Variants in NTM observed in about 807,000 individuals in gnomAD.
The protein encoded by NTM is IgLON family member 2.
A neutral mutation model predicts 42.1 loss-of-function variants in NTM; 13 were observed. The observed-to-expected ratio is 0.31, with a 90% CI of 0.20 to 0.49. The LOEUF is 0.49. Ranked by LOEUF, NTM falls within the 20% of genes least tolerant of loss-of-function variation. NTM has a pLI of 0.99. For synonymous variants in NTM, 187 were observed against 179.2 expected, an observed-to-expected ratio of 1.04 and a Z score of -0.35; for missense variants, 373 against 452.8, an observed-to-expected ratio of 0.82 and a Z score of 1.60.
intron 7 of NTM, among the ~76,000 whole-genome samples, chr11:132,318,143 GATAGGCATGGCACTGC>G (rs2095478063): frequency 6.6e-6 from 1 of 152,180 alleles, no homozygotes; most frequent in Non-Finnish European, 1.5e-5. Flanking sequence ...AAAGGAGGAG[GATAGGCATGGCACTGC>G]ATGAGTGGTT....
chr11:131,484,853 A>G (rs1953987525), intron 1 of NTM, among the ~76,000 whole-genome samples: 1 of 152,152 alleles, frequency 6.6e-6, no homozygotes, highest in African/African-American at 2.4e-5. Flanking sequence ...TAATTATAAG[A>G]AGGAAGTGGA....
intron 2 of NTM, among the ~76,000 whole-genome samples, chr11:131,976,705 A>T (rs149758720): frequency 6.6e-6 from 1 of 152,328 alleles, no homozygotes; most frequent in East Asian, 1.9e-4. Flanking sequence ...TCCATAGGTC[A>T]CGGACAGACT....
chr11:131,633,570 TAC>T (rs1340580561), intron 1 of NTM, among the ~76,000 whole-genome samples: 11 of 147,326 alleles, frequency 7.5e-5, no homozygotes, highest in Admixed American at 2.0e-4. Context: ...TCTCTCTCTC[TAC>T]CTCTCCATCT....
chr11:131,635,946 G>C (rs550300220), intron 1 of NTM, among the ~76,000 whole-genome samples: 1 of 152,240 alleles, frequency 6.6e-6, no homozygotes, highest in Non-Finnish European at 1.5e-5. Context: ...GTAGTATTTA[G>C]TACCGTCACA....
At chr11:131,806,660 G>T (rs1251615163) in intron 1 of NTM, among the ~76,000 whole-genome samples, 1 of 152,126 alleles carries the variant, frequency 6.6e-6, no homozygotes, top group Non-Finnish European at 1.5e-5. Context: ...GTGGCAGAGC[G>T]AGGAGTGGTT....
At chr11:131,911,369 G>A (rs578037710) in intron 1 of NTM, 195 bp from the exon 2 acceptor site, 315 of 1,547,244 alleles carry the variant, frequency 2.0e-4, no homozygotes, top group Non-Finnish European at 2.5e-4. Flanking sequence ...CGGTCGCCGC[G>A]GGTTCACCGC....
At chr11:132,070,546 G>A (rs1231296282) in intron 2 of NTM, among the ~76,000 whole-genome samples, 19 of 99,530 alleles carry the variant, frequency 1.9e-4, no homozygotes, top group South Asian at 1.2e-3. Flanking sequence ...CAAACTGACC[G>A]TCACAGTTTA....
chr11:131,999,788 T>C (rs1406753001), intron 2 of NTM, among the ~76,000 whole-genome samples: 1 of 152,234 alleles, frequency 6.6e-6, no homozygotes, highest in East Asian at 1.9e-4. Context: ...AATTATTATA[T>C]CAACTGTGGC....
In NTM at chr11:131,719,806, G is replaced by A. The variant is rs568322576; in HGVS notation, c.83-191758G>A. 1.7e-3 allele frequency among the ~76,000 whole-genome samples: 261 copies of A among 152,268 alleles called. 1 individual carries two copies. Among genetic ancestry groups the A allele is most frequent in the African/African-American group, 5.9e-3 (245 of 41,562 alleles). ...CTCCGCTGGGAAATTCACTCTCCAG[G>A]ATCTAAGTGGAAAAGTAACAACAGT... On this transcript the variant is annotated intron_variant, in intron 1 of 8. Transcript: ENST00000683400.
chr11:131,565,851 G>A (rs139157278), intron 1 of NTM, among the ~76,000 whole-genome samples: 13 of 152,254 alleles, frequency 8.5e-5, no homozygotes, highest in South Asian at 2.1e-4. Context: ...TCAGTTGCCC[G>A]TCTTTTGCCT....
At chr11:131,800,833 G>C (rs781411094) in intron 1 of NTM, among the ~76,000 whole-genome samples, 1 of 152,168 alleles carries the variant, frequency 6.6e-6, no homozygotes, top group Admixed American at 6.5e-5. Flanking sequence ...ATTTAGGGGT[G>C]AGCTTGTGTC....
intron 1 of NTM, among the ~76,000 whole-genome samples, chr11:131,890,191 T>A (rs1409474812): frequency 3.6e-4 from 54 of 150,762 alleles, no homozygotes; most frequent in African/African-American, 1.3e-3. Flanking sequence ...TCTCTCTCTC[T>A]CTCACACACA....
intron 2 of NTM, among the ~76,000 whole-genome samples, chr11:132,000,851 A>G (rs1437922672): frequency 6.6e-6 from 1 of 152,222 alleles, no homozygotes; most frequent in Non-Finnish European, 1.5e-5. Flanking sequence ...ATGCAATGAT[A>G]TATCAGGAGG....
chr11:131,878,170 G>T (rs73587535), intron 1 of NTM: 2 of 152,120 alleles, frequency 1.3e-5, no homozygotes, highest in African/African-American at 4.8e-5. Context: ...AAGAAAGCTC[G>T]GGAGGGAAGA....
chr11:131,923,330 G>C (rs1165214604), intron 2 of NTM, among the ~76,000 whole-genome samples: 1 of 152,178 alleles, frequency 6.6e-6, no homozygotes, highest in African/African-American at 2.4e-5. Context: ...CAGGATATTT[G>C]TTGAGTGAAT....
chr11:132,274,945 T>C (rs1045474966), intron 4 of NTM, among the ~76,000 whole-genome samples: 3 of 152,166 alleles, frequency 2.0e-5, no homozygotes, highest in Admixed American at 6.5e-5. Flanking sequence ...AAATGCATTA[T>C]GTTATTTTTG....
chr11:132,023,853 C>G (rs2074770085), intron 2 of NTM, among the ~76,000 whole-genome samples: 1 of 151,622 alleles, frequency 6.6e-6, no homozygotes, highest in Admixed American at 6.6e-5. Context: ...GAGTCTCACT[C>G]TGTCGCCCAG....
chr11:132,185,624 T>A (rs2078270858), intron 3 of NTM, among the ~76,000 whole-genome samples: 1 of 152,230 alleles, frequency 6.6e-6, no homozygotes, highest in African/African-American at 2.4e-5. Flanking sequence ...CTAACTTTGC[T>A]GCATATAACG....
At chr11:132,001,859 C>T (rs2069352616) in intron 2 of NTM, among the ~76,000 whole-genome samples, 1 of 151,780 alleles carries the variant, frequency 6.6e-6, no homozygotes, top group Admixed American at 6.6e-5. Context: ...GAGCAATTGC[C>T]AAATGATATT....
Sources: allele counts gnomAD v4.1 joint callset (sites outside exome capture counted in the v4.1 genomes callset), GRCh38; gene constraint gnomAD v4.1.1; transcripts MANE v1.5; gene names NCBI Gene and HGNC (gene_info 2026-07-23, HGNC 2026-07-21).